Variants in ALPK2 observed in about 807,000 individuals in gnomAD.
ALPK2 encodes the protein alpha-protein kinase 2.
ALPK2 carries 127 observed loss-of-function variants against 163.1 expected under a neutral mutation model. The ratio of observed to expected loss-of-function variants is 0.78; its 90% CI spans 0.67 to 0.90. ALPK2 has a LOEUF of 0.90. ALPK2 is among the 40% of genes least tolerant of loss of function. The pLI is 0.00. For missense variants in ALPK2, 2,360 were observed against 2,589.6 expected, an observed-to-expected ratio of 0.91 and a Z score of 1.92; for synonymous variants, 953 against 959.1, an observed-to-expected ratio of 0.99 and a Z score of 0.12.
chr18:58,588,273 C>G (rs1207790422), intron 3 of ALPK2, among the ~76,000 whole-genome samples: 1 of 152,152 alleles, frequency 6.6e-6, no homozygotes, highest in African/African-American at 2.4e-5. Flanking sequence ...TATGGAAATG[C>G]AGAATTCTAT....
At chr18:58,541,900 C>T (rs1286174041) in intron 4 of ALPK2, among the ~76,000 whole-genome samples, 2 of 152,202 alleles carry the variant, frequency 1.3e-5, no homozygotes, top group African/African-American at 2.4e-5. Context: ...AGACTCACAC[C>T]TTCCCAATGA....
chr18:58,601,119 G>A (rs2052067210), intron 3 of ALPK2, among the ~76,000 whole-genome samples: 1 of 152,112 alleles, frequency 6.6e-6, no homozygotes, highest in Non-Finnish European at 1.5e-5. Flanking sequence ...AGCCAGGCGT[G>A]GTGGCATGTG....
chr18:58,580,442 G>A lies in ALPK2; in HGVS notation c.334C>T (p.Gln112Ter), dbSNP rs1025115553. 1.2e-6 allele frequency: 2 copies of A among 1,614,140 alleles called. No individual in the cohort carries two copies. Among genetic ancestry groups the A allele is most frequent in the African/African-American group, 1.3e-5 (1 of 75,010 alleles). ...TCATCTTCCAGGTTAGGAGACAATT[G>A]TGGGTTCTCTGATGAGCACTCAACC... Reference protein sequence around the residue: ...VEVECSSENPQLSPNLEDDRD... With the variant: ...VEVECSSENP Residue 112 changes from glutamine to a stop codon, truncating the protein, a stop_gained, in exon 4 of 13, where the codon CAA becomes TAA. Transcript: ENST00000361673. LOFTEE classifies it high-confidence loss of function.
intron 2 of ALPK2, 30 bp downstream of exon 2, chr18:58,611,658 GA>G (rs1313747688): frequency 6.3e-7 from 1 of 1,577,092 alleles, no homozygotes; most frequent in African/African-American, 1.4e-5. Context: ...GGAGATTTTA[GA>G]GGGTGATTAG....
At chr18:58,575,004 G>A (rs62096292) in intron 4 of ALPK2, among the ~76,000 whole-genome samples, 29,592 of 151,836 alleles carry the variant, frequency 0.19, 3,252 homozygotes, top group East Asian at 0.42. Flanking sequence ...ACCTGAGGTC[G>A]GGAGTTTGAG....
At chr18:58,500,237 T>TG (rs2051424489) in intron 11 of ALPK2, among the ~76,000 whole-genome samples, 2 of 52,660 alleles carry the variant, frequency 3.8e-5, no homozygotes, top group Admixed American at 2.7e-4. Context: ...GACTATGCTT[T>TG]GAAAAAAAAA....
chr18:58,507,811 T>C (rs2051469349), intron 10 of ALPK2, among the ~76,000 whole-genome samples: 1 of 152,338 alleles, frequency 6.6e-6, no homozygotes, highest in South Asian at 2.1e-4. Flanking sequence ...ATTTAGTTTA[T>C]ACTTTAACAA....
In ALPK2 at chr18:58,482,006, G is replaced by T. The variant is rs139177296; in HGVS notation, c.6330C>A (p.Thr2110=). ...GTAGTGCTTTAAACTGATCAATGAA[G>T]GTCATGGAACAGTTGCCTTTAAATC... is the stretch of plus-strand genomic sequence containing the variant. ...YKGFKGNCSM[T]FIDQFKALHQ... Residue 2110 remains threonine, a synonymous_variant, in exon 13 of 13, where the codon ACC becomes ACA. Coordinates refer to ENST00000361673, the MANE Select transcript of ALPK2 (RefSeq NM_052947.4). 2 of 1,614,088 alleles carry T rather than the reference G, an allele frequency of 1.2e-6. No individual in the cohort carries two copies. Among genetic ancestry groups the T allele is most frequent in the Non-Finnish European group, 1.7e-6 (2 of 1,180,004 alleles).
chr18:58,512,728 GGT>G (rs1040106425), intron 10 of ALPK2, among the ~76,000 whole-genome samples: 5 of 123,264 alleles, frequency 4.1e-5, no homozygotes, highest in Non-Finnish European at 7.5e-5. Flanking sequence ...TATTGTCTGT[GGT>G]GTGTGTGTTA....
chr18:58,582,573 A>G lies in ALPK2; in HGVS notation c.228-2025T>C, dbSNP rs535932665. 2.3e-3 allele frequency among the ~76,000 whole-genome samples: 357 copies of G among 152,176 alleles called. 1 individual carries two copies. The highest frequency in any genetic ancestry group is 8.2e-3 in the African/African-American group (342 of 41,532). ...TCATCCAGATTGTTGGCGAAAAAAA[A>G]AAAAAACTGTGAAATATTTAAAGAG... is the stretch of plus-strand genomic sequence containing the variant. On this transcript the variant is annotated intron_variant, in intron 3 of 12. Coordinates refer to ENST00000361673, the MANE Select transcript of ALPK2 (RefSeq NM_052947.4).
intron 5 of ALPK2, among the ~76,000 whole-genome samples, chr18:58,531,935 CAAAAA>C (rs35957271): frequency 1.6e-4 from 8 of 49,612 alleles, no homozygotes; most frequent in Non-Finnish European, 2.3e-4. Flanking sequence ...GGCTCCGTCT[CAAAAA>C]AAAAAAAAAA....
At position 58,488,659 on chromosome 18, in the gene ALPK2, C is replaced by T. The variant is rs56070237; in HGVS notation, c.6297-6620G>A. Among the ~76,000 whole-genome samples, 1,175 of 151,984 alleles carry T rather than the reference C, an allele frequency of 7.7e-3. 9 individuals carry two copies. Among genetic ancestry groups the T allele is most frequent in the Non-Finnish European group, 0.013 (876 of 67,986 alleles). On this transcript the variant is annotated intron_variant, in intron 12 of 12. Transcript: ENST00000361673. ...CCCATTAGATGCCAACCAGAAGCTA[C>T]ATTGAACAGCTTGAGCTTGAGATCC...
chr18:58,534,713 G>A (rs13381117), intron 5 of ALPK2, 121 bp downstream of exon 5: 100,998 of 1,324,630 alleles, frequency 0.076, 4,614 homozygotes, highest in Admixed American at 0.17. Flanking sequence ...CACAACCATA[G>A]CATCAATGCC....
At chr18:58,510,272 G>A (rs987063802) in intron 10 of ALPK2, among the ~76,000 whole-genome samples, 6 of 152,222 alleles carry the variant, frequency 3.9e-5, no homozygotes, top group African/African-American at 1.4e-4. Context: ...GTACCATGCT[G>A]TTTTGATTAC....
rs111590287 is a variant in ALPK2 at position 58,502,751 on chromosome 18, G to T, written c.6247+1180C>A. On this transcript the variant is annotated intron_variant, in intron 11 of 12. Transcript: ENST00000361673. Reference sequence around the variant, plus strand: ...TCTGTGCACCTGGCTCCACCTCTTAGTGCCACACCAGCATTTCTCTGCTTA... The same window carrying T: ...TCTGTGCACCTGGCTCCACCTCTTATTGCCACACCAGCATTTCTCTGCTTA... Among the ~76,000 whole-genome samples, 172 of 152,338 alleles carry T rather than the reference G, an allele frequency of 1.1e-3. 2 individuals are homozygous for T. Among genetic ancestry groups the T allele is most frequent in the African/African-American group, 3.9e-3 (163 of 41,588 alleles).
chr18:58,507,673 C>G (rs1285356888), intron 10 of ALPK2, among the ~76,000 whole-genome samples: 1 of 152,184 alleles, frequency 6.6e-6, no homozygotes, highest in Non-Finnish European at 1.5e-5. Flanking sequence ...AGGAAACCAC[C>G]TTTGCAAAGA....
At chr18:58,605,702 C>T (rs1006959195) in intron 3 of ALPK2, among the ~76,000 whole-genome samples, 5 of 152,150 alleles carry the variant, frequency 3.3e-5, no homozygotes, top group South Asian at 2.1e-4. Flanking sequence ...GGGATAAAGA[C>T]GAGGAAGGGG....
intron 8 of ALPK2, among the ~76,000 whole-genome samples, chr18:58,519,404 A>G (rs1325353636): frequency 6.6e-6 from 1 of 152,202 alleles, no homozygotes; most frequent in Non-Finnish European, 1.5e-5. Context: ...AACATGTATT[A>G]TATCTGCCAT....
At chr18:58,511,392 T>C (rs1323234478) in intron 10 of ALPK2, among the ~76,000 whole-genome samples, 1 of 152,214 alleles carries the variant, frequency 6.6e-6, no homozygotes, top group Non-Finnish European at 1.5e-5. Flanking sequence ...ATCAGCTCTG[T>C]CTGTACAGCG....
Sources: allele counts gnomAD v4.1 joint callset (sites outside exome capture counted in the v4.1 genomes callset), GRCh38; gene constraint gnomAD v4.1.1; transcripts MANE v1.5; gene names NCBI Gene and HGNC (gene_info 2026-07-23, HGNC 2026-07-21).